Variants in SKIC3 observed in about 807,000 individuals in gnomAD.
SKIC3 encodes SKI3 subunit of superkiller complex.
chr5:95,472,265 C>G, the SKIC3 span, among the ~76,000 whole-genome samples: 1 of 152,178 alleles, frequency 6.6e-6, no homozygotes, highest in Non-Finnish European at 1.5e-5. Context: ...CTCCTTCATT[C>G]CTTCCTCCCT....
At chr5:95,526,992 A>G in the SKIC3 span, among the ~76,000 whole-genome samples, 10 of 152,196 alleles carry the variant, frequency 6.6e-5, no homozygotes, top group East Asian at 1.9e-3. Context: ...CATCCCCCCA[A>G]ACATTTGTTT....
At chr5:95,514,713 G>T in the SKIC3 span, 1 of 696,222 alleles carries the variant, frequency 1.4e-6, no homozygotes, top group Non-Finnish European at 2.5e-6. Flanking sequence ...AACTGAAATA[G>T]TGTATACAAA....
At chr5:95,490,879 CA>C in the SKIC3 span, 6 of 1,612,796 alleles carry the variant, frequency 3.7e-6, no homozygotes, top group Admixed American at 1.7e-5. Flanking sequence ...TGAATTAAAT[CA>C]TGTATAAAGA....
At chr5:95,466,276 T>C in the SKIC3 span, among the ~76,000 whole-genome samples, 3 of 152,246 alleles carry the variant, frequency 2.0e-5, no homozygotes, top group Non-Finnish European at 4.4e-5. Context: ...GTCACATGTA[T>C]TTTATAGTAA....
the SKIC3 span, chr5:95,478,365 T>G: frequency 6.2e-7 from 1 of 1,614,048 alleles, no homozygotes; most frequent in Non-Finnish European, 8.5e-7. Context: ...CCCGTTGGGA[T>G]GCCAATTGTA....
chr5:95,526,031 T>C, the SKIC3 span, among the ~76,000 whole-genome samples: 1 of 152,206 alleles, frequency 6.6e-6, no homozygotes, highest in African/African-American at 2.4e-5. Context: ...ACTTTTTACC[T>C]GTAATACTTC....
At chr5:95,530,160 C>A in the SKIC3 span, 1 of 1,613,644 alleles carries the variant, frequency 6.2e-7, no homozygotes, top group South Asian at 1.1e-5. Context: ...GCCAATGAGG[C>A]CTGGACCACT....
At chr5:95,522,185 A>G in the SKIC3 span, 2 of 1,613,920 alleles carry the variant, frequency 1.2e-6, no homozygotes, top group Non-Finnish European at 1.7e-6. Flanking sequence ...TTCTGGGTTC[A>G]GCTCACTGGC....
chr5:95,522,814 C>T, the SKIC3 span, among the ~76,000 whole-genome samples: 1 of 152,078 alleles, frequency 6.6e-6, no homozygotes, highest in Non-Finnish European at 1.5e-5. Context: ...AAGTACTGTT[C>T]AAATCAAATG....
At chr5:95,549,723 A>G in the SKIC3 span, among the ~76,000 whole-genome samples, 6 of 151,984 alleles carry the variant, frequency 3.9e-5, no homozygotes, top group African/African-American at 1.4e-4. Context: ...TTTCAACCCT[A>G]AAAACTACTA....
chr5:95,537,631 C>T, the SKIC3 span, among the ~76,000 whole-genome samples: 4 of 152,176 alleles, frequency 2.6e-5, no homozygotes, highest in Non-Finnish European at 5.9e-5. Context: ...AATCACTTCT[C>T]TTATGCAGTA....
the SKIC3 span, among the ~76,000 whole-genome samples, chr5:95,506,093 A>C: frequency 2.0e-5 from 3 of 152,218 alleles, no homozygotes; most frequent in Non-Finnish European, 4.4e-5. Context: ...GCTTCAACAA[A>C]ATCTTGGAAC....
the SKIC3 span, among the ~76,000 whole-genome samples, chr5:95,544,979 A>G: frequency 6.6e-6 from 1 of 152,194 alleles, no homozygotes; most frequent in African/African-American, 2.4e-5. Context: ...TCAAAAATTC[A>G]TTTAGTCTCA....
chr5:95,528,801 C>T, the SKIC3 span: 115,552 of 576,858 alleles, frequency 0.2, 14,905 homozygotes, highest in African/African-American at 0.49. Flanking sequence ...TTTTGCTAAA[C>T]ATTCATTGTC....
chr5:95,469,699 T>C, the SKIC3 span: 4 of 1,593,250 alleles, frequency 2.5e-6, no homozygotes, highest in South Asian at 4.5e-5. Flanking sequence ...ACTTTAAAGT[T>C]TATAATCTTT....
the SKIC3 span, among the ~76,000 whole-genome samples, chr5:95,518,100 T>C: frequency 5.9e-5 from 9 of 152,224 alleles, no homozygotes; most frequent in South Asian, 6.2e-4. Flanking sequence ...TATTCTGTTA[T>C]GGCAGCAAAA....
At chr5:95,535,562 G>A in the SKIC3 span, among the ~76,000 whole-genome samples, 12 of 150,472 alleles carry the variant, frequency 8.0e-5, no homozygotes, top group East Asian at 2.1e-3. Flanking sequence ...CGCCTGCCTC[G>A]GCCTCCCAAA....
chr5:95,517,699 T>C, the SKIC3 span, among the ~76,000 whole-genome samples: 1 of 152,268 alleles, frequency 6.6e-6, no homozygotes, highest in East Asian at 1.9e-4. Context: ...TTTGTAACTC[T>C]CTTACAACTG....
At chr5:95,546,968 T>C in the SKIC3 span, 1 of 1,302,020 alleles carries the variant, frequency 7.7e-7, no homozygotes, top group South Asian at 1.2e-5. Context: ...CCACTTTTGC[T>C]GTTTGGACAG....
Sources: allele counts gnomAD v4.1 joint callset (sites outside exome capture counted in the v4.1 genomes callset), GRCh38; gene constraint gnomAD v4.1.1; transcripts MANE v1.5; gene names NCBI Gene and HGNC (gene_info 2026-07-23, HGNC 2026-07-21).